NRSN1: variants seen among roughly 807,000 people sequenced by gnomAD.
The protein encoded by NRSN1 is neurensin-1.
In NRSN1, 14 loss-of-function variants were observed where a neutral mutation model predicts 17.3. The observed-to-expected ratio is 0.81, with a 90% CI of 0.54 to 1.27. NRSN1 has a LOEUF of 1.27. Ranked by LOEUF, NRSN1 falls within the 50% of genes most tolerant of loss-of-function variation. The probability of loss-of-function intolerance (pLI) is 0.00; values close to 1 mark genes in which losing one functional copy is unlikely to be tolerated. For missense variants in NRSN1, 209 were observed against 235.9 expected, an observed-to-expected ratio of 0.89 and a Z score of 0.75; for synonymous variants, 79 against 94.2, an observed-to-expected ratio of 0.84 and a Z score of 0.93.
chr6:24,133,271 C>T (rs1760066261), intron 2 of NRSN1, among the ~76,000 whole-genome samples: 1 of 152,178 alleles, frequency 6.6e-6, no homozygotes, highest in Admixed American at 6.5e-5. Context: ...ACTCTAGCCA[C>T]CCACATGGAC....
At chr6:24,137,468 C>T (rs1760133498) in intron 3 of NRSN1, among the ~76,000 whole-genome samples, 1 of 151,880 alleles carries the variant, frequency 6.6e-6, no homozygotes, top group African/African-American at 2.4e-5. Flanking sequence ...TAGCCCTTGA[C>T]CTGAAGGAGT....
chr6:24,142,873 C>A (rs981346517), intron 3 of NRSN1, among the ~76,000 whole-genome samples: 1 of 152,198 alleles, frequency 6.6e-6, no homozygotes, highest in Admixed American at 6.5e-5. Context: ...GTTGCGGCTA[C>A]TGGCGCGGGT....
At chr6:24,134,004 T>TTTTGTGTGTG (rs558919839) in intron 2 of NRSN1, among the ~76,000 whole-genome samples, 3 of 132,858 alleles carry the variant, frequency 2.3e-5, no homozygotes, top group African/African-American at 5.8e-5. Context: ...ACCCAGCTAA[T>TTTTGTGTGTG]TGTGTGTGTG....
rs1184649585 is a variant in NRSN1, at chr6:24,145,107, GAT to G, written c.190-431_190-430del. 1.1e-4 allele frequency among the ~76,000 whole-genome samples: 15 copies of G among 135,942 alleles called. No homozygotes were observed. The highest frequency in any genetic ancestry group is 2.3e-4 in the South Asian group (1 of 4,428). 89.2% of individuals were successfully genotyped at this position (135,942 alleles called of 152,430 possible). A position where few individuals can be genotyped will look rare whatever the true frequency, so the allele number is the denominator to read the frequency against. On this transcript the variant is annotated intron_variant, in intron 3 of 3. Coordinates refer to ENST00000378491, the MANE Select transcript of NRSN1 (RefSeq NM_080723.5). This position sits in a 1 kb window ranked among gnomAD's most constrained non-coding sequence, Gnocchi z 4.4. The stretch of plus-strand genomic sequence containing the variant: ...ATTATATATTTTATATATATCTTTA[GAT>G]ATATATATAATATACATATCTTTAG...
chr6:24,133,771 G>A (rs974812586), intron 2 of NRSN1, among the ~76,000 whole-genome samples: 1 of 152,142 alleles, frequency 6.6e-6, no homozygotes, highest in Admixed American at 6.5e-5. Flanking sequence ...TAGTCATTGA[G>A]TGTTTAGGTA....
chr6:24,128,671 A>AT (rs1299491345), intron 2 of NRSN1: 3 of 152,198 alleles, frequency 2.0e-5, no homozygotes, highest in African/African-American at 7.2e-5. Flanking sequence ...TTGGTGTTGA[A>AT]TAAGTGGTCT....
At chr6:24,130,533 T>C (rs1760012080) in intron 2 of NRSN1, among the ~76,000 whole-genome samples, 1 of 152,216 alleles carries the variant, frequency 6.6e-6, no homozygotes, top group Non-Finnish European at 1.5e-5. Context: ...CATTCTTCTC[T>C]AGGAGTGAAT....
At chr6:24,142,010 A>T (rs1309621538) in intron 3 of NRSN1, among the ~76,000 whole-genome samples, 2 of 152,174 alleles carry the variant, frequency 1.3e-5, no homozygotes, top group African/African-American at 4.8e-5. Flanking sequence ...TAGTTAAATC[A>T]ATTTTGCTTG....
chr6:24,145,503 G>A lies in NRSN1; in HGVS notation c.190-45G>A, dbSNP rs1581554268. On this transcript the variant is annotated intron_variant, in intron 3 of 3. Transcript: ENST00000378491. The surrounding 1 kb of genome is among the most constrained non-coding windows in gnomAD (Gnocchi z 4.4). ...CTTGAGGGCTCAGGGGCGAGCCGAA[G>A]CACCTTCCTCACTCTATCTTGCTTC... 6.7e-7 allele frequency: 1 copy of A among 1,488,358 alleles called. No individual in the cohort carries two copies. The allele number at this position is 1,488,358 out of a possible 1,614,324, so 92.2% of individuals were successfully genotyped here. A position where few individuals can be genotyped will look rare whatever the true frequency, so the allele number is the denominator to read the frequency against.
intron 3 of NRSN1, among the ~76,000 whole-genome samples, chr6:24,142,190 G>GTTTTTTTT (rs1554140614): frequency 1.5e-4 from 3 of 20,050 alleles, no homozygotes; most frequent in Non-Finnish European, 4.7e-4. Context: ...ATACAGAACA[G>GTTTTTTTT]CTTTTTTTTT....
chr6:24,133,277 T>A (rs1448230366), intron 2 of NRSN1, among the ~76,000 whole-genome samples: 6 of 152,234 alleles, frequency 3.9e-5, no homozygotes, highest in Admixed American at 2.0e-4. Flanking sequence ...GCCACCCACA[T>A]GGACAGATGT....
chr6:24,137,684 C>T lies in NRSN1; in HGVS notation c.189+3168C>T, dbSNP rs149535131. The stretch of plus-strand genomic sequence containing the variant: ...TCTCCTAATGCTATCCCTCCCCACT[C>T]CCCCAACCCCGCAGCAGTCCCCGGA... On this transcript the variant is annotated intron_variant, in intron 3 of 3. Coordinates refer to ENST00000378491, the MANE Select transcript of NRSN1 (RefSeq NM_080723.5). Among the ~76,000 whole-genome samples the T allele has an allele frequency of 4.2e-3, 645 of 152,166 alleles. 3 individuals are homozygous for T. The highest frequency in any genetic ancestry group is 0.014 in the African/African-American group (601 of 41,514).
chr6:24,139,441 G>C (rs770983109), intron 3 of NRSN1, among the ~76,000 whole-genome samples: 9 of 152,232 alleles, frequency 5.9e-5, no homozygotes, highest in South Asian at 2.1e-4. Flanking sequence ...ATTTTTATGA[G>C]ATAGAGTGAC....
chr6:24,127,750 T>C (rs1759969826), intron 1 of NRSN1, among the ~76,000 whole-genome samples: 1 of 152,224 alleles, frequency 6.6e-6, no homozygotes, highest in Non-Finnish European at 1.5e-5. Flanking sequence ...AGATCCATTC[T>C]GAAGTATCTA....
chr6:24,137,309 T>C (rs1434894800), intron 3 of NRSN1, among the ~76,000 whole-genome samples: 1 of 152,214 alleles, frequency 6.6e-6, no homozygotes, highest in African/African-American at 2.4e-5. Context: ...TATTTCACAG[T>C]ATCATTCTTC....
intron 3 of NRSN1, among the ~76,000 whole-genome samples, chr6:24,142,213 T>TTTTTTTTTTTTTTTTTTTTTTTC (rs957826257): frequency 7.5e-6 from 1 of 132,540 alleles, no homozygotes; most frequent in Non-Finnish European, 1.6e-5. Flanking sequence ...TTTTTTTTTT[T>TTTTTTTTTTTTTTTTTTTTTTTC]TCAGAAGACA....
intron 2 of NRSN1, chr6:24,129,390 C>T (rs376424685): frequency 2.0e-5 from 3 of 152,160 alleles, no homozygotes; most frequent in East Asian, 3.9e-4. Context: ...CCACACCAAC[C>T]CACGTAGAAC....
Position 24,134,394 on chromosome 6 carries a change from C to A in NRSN1, c.67C>A (p.Arg23Ser). ...GGCTGCAGCTGAGGGTGGTTACCAG[C>A]GCTATGGAGTCCGGTCCTACCTGCA... ...AQAAAEGGYQ[R>S]YGVRSYLHQF... The change falls in exon 3 of 4, where the codon CGC (arginine) becomes AGC (serine). Residue 23 changes from arginine (R) to serine (S), a missense_variant. Coordinates refer to ENST00000378491, the MANE Select transcript of NRSN1 (RefSeq NM_080723.5). 1 of 1,614,060 alleles carries A rather than the reference C, an allele frequency of 6.2e-7. No homozygotes were observed. Among genetic ancestry groups the A allele is most frequent in the Non-Finnish European group, 8.5e-7 (1 of 1,179,992 alleles).
intron 3 of NRSN1, among the ~76,000 whole-genome samples, chr6:24,143,867 T>A (rs1581553620): frequency 6.6e-6 from 1 of 152,202 alleles, no homozygotes; most frequent in South Asian, 2.1e-4. Context: ...CTCTATGAGG[T>A]AGGTATTATG....
Sources: allele counts gnomAD v4.1 joint callset (sites outside exome capture counted in the v4.1 genomes callset), GRCh38; gene constraint gnomAD v4.1.1; non-coding constraint Gnocchi (gnomAD v3.1); transcripts MANE v1.5; gene names NCBI Gene and HGNC (gene_info 2026-07-23, HGNC 2026-07-21).